Variants in OGA observed in about 807,000 individuals in gnomAD.
OGA encodes the protein O-GlcNAcase.
In OGA, 21 loss-of-function variants were observed where a neutral mutation model predicts 102.0. That is an observed-to-expected ratio of 0.21 (90% CI 0.15 to 0.30). The LOEUF (loss-of-function observed/expected upper bound fraction) is 0.30. Ranked by LOEUF, OGA falls within the 10% of genes least tolerant of loss-of-function variation. The probability of loss-of-function intolerance (pLI) is 1.00; values close to 1 mark genes in which losing one functional copy is unlikely to be tolerated. For synonymous variants in OGA, 408 were observed against 378.2 expected, an observed-to-expected ratio of 1.08 and a Z score of -0.91; for missense variants, 765 against 1,107.8, an observed-to-expected ratio of 0.69 and a Z score of 4.39.
rs777754099 is a variant in OGA at position 101,790,974 on chromosome 10, T to C, written c.2376A>G (p.Lys792=). The part of the protein sequence containing the change: ...GTVDVTPFIK[K]CKISWIPFMQ... The stretch of plus-strand genomic sequence containing the variant: ...TGAAGGGGATCCAGGAAATTTTACA[T>C]TTTTTAATAAAGGGGGTCACATCTA... The change falls in exon 14 of 16, where the codon AAA becomes AAG. Residue 792 remains lysine, a synonymous_variant. Coordinates refer to ENST00000361464, the MANE Select transcript of OGA (RefSeq NM_012215.5). The C allele has an allele frequency of 1.9e-6, 3 of 1,613,866 alleles. No homozygotes were observed. The highest frequency in any genetic ancestry group is 2.5e-6 in the Non-Finnish European group (3 of 1,179,854).
At chr10:101,810,966 C>A (rs1012720854) in intron 3 of OGA, among the ~76,000 whole-genome samples, 3 of 151,706 alleles carry the variant, frequency 2.0e-5, no homozygotes, top group Admixed American at 6.6e-5. Flanking sequence ...GTTGGGATTG[C>A]AGGCATGAGC....
chr10:101,802,833 C>T (rs147117171), intron 7 of OGA, among the ~76,000 whole-genome samples: 2 of 151,480 alleles, frequency 1.3e-5, no homozygotes, highest in African/African-American at 4.8e-5. Flanking sequence ...AAGCCAATGT[C>T]TAAAATAAGA....
chr10:101,791,570 T>A (rs1345915495), intron 12 of OGA, 131 bp from the exon 13 acceptor site: 1 of 644,530 alleles, frequency 1.6e-6, no homozygotes, highest in Non-Finnish European at 2.7e-6. Flanking sequence ...AAATATCACC[T>A]CTTCTTTGTA....
At chr10:101,787,604 A>G (rs2065206038) in intron 14 of OGA, 81 bp from the exon 15 acceptor site, 1 of 1,180,608 alleles carries the variant, frequency 8.5e-7, no homozygotes, top group Non-Finnish European at 1.2e-6. Context: ...AGCAACAAGA[A>G]AGCAATATTT....
chr10:101,802,330 C>T (rs2065403621), intron 7 of OGA, among the ~76,000 whole-genome samples: 1 of 152,198 alleles, frequency 6.6e-6, no homozygotes, highest in Middle Eastern at 3.2e-3. Flanking sequence ...ACACTTATCA[C>T]ACTATAGTAC....
chr10:101,787,642 T>TGA (rs2065206398), intron 14 of OGA, 119 bp from the exon 15 acceptor site: 5 of 791,852 alleles, frequency 6.3e-6, no homozygotes, highest in Non-Finnish European at 1.0e-5. Flanking sequence ...CTATGTAAAT[T>TGA]ATCTCACACA....
chr10:101,801,442 C>T (rs551807165), intron 7 of OGA, among the ~76,000 whole-genome samples: 1 of 150,836 alleles, frequency 6.6e-6, no homozygotes, highest in South Asian at 2.1e-4. Context: ...CAAATTAGCA[C>T]ACATAAGGCA....
chr10:101,797,028 C>CTTTTTTTTT (rs10716391), intron 10 of OGA: 1 of 142,078 alleles, frequency 7.0e-6, no homozygotes, highest in Non-Finnish European at 1.5e-5. Flanking sequence ...CACAGGGAAA[C>CTTTTTTTTT]TTTTTTTTTT....
rs879877993 is a variant in OGA, at chr10:101,818,327, G to A, written c.-305C>T. ...CTGGAAGAAGACGGCCAAGGGTCCT[G>A]TCCTCGTTCTCTGCCTCTGCTGCCC... On this transcript the variant is annotated 5_prime_UTR_variant, in exon 1 of 16. Coordinates refer to ENST00000361464, the MANE Select transcript of OGA (RefSeq NM_012215.5). 2.0e-4 allele frequency: 238 copies of A among 1,173,270 alleles called. No homozygotes were observed. The highest frequency in any genetic ancestry group is 2.4e-4 in the Non-Finnish European group (227 of 946,790). The allele number at this position is 1,173,270 out of a possible 1,614,324, so 72.7% of individuals were successfully genotyped here. A position where few individuals can be genotyped will look rare whatever the true frequency, so the allele number is the denominator to read the frequency against.
At chr10:101,804,611 A>G (rs971244431) in intron 6 of OGA, among the ~76,000 whole-genome samples, 15 of 151,752 alleles carry the variant, frequency 9.9e-5, no homozygotes, top group Non-Finnish European at 1.6e-4. Flanking sequence ...TCTTTTTCTG[A>G]GACAGGGTCT....
At chr10:101,807,145 A>T (rs1031014349) in intron 5 of OGA, among the ~76,000 whole-genome samples, 1 of 152,218 alleles carries the variant, frequency 6.6e-6, no homozygotes, top group Non-Finnish European at 1.5e-5. Context: ...ACACACAAAG[A>T]AAGTTAAATA....
chr10:101,790,838 A>T, intron 14 of OGA, 58 bp downstream of exon 14: 1 of 1,255,362 alleles, frequency 8.0e-7, no homozygotes, highest in Non-Finnish European at 1.1e-6. Context: ...AATAAAAAAT[A>T]AAAATAAATA....
At chr10:101,817,731 G>A (rs35960171) in intron 1 of OGA, 93 bp downstream of exon 1, 591,007 of 1,384,590 alleles carry the variant, frequency 0.43, 129,035 homozygotes, top group South Asian at 0.56. Flanking sequence ...GAGGCTTTCC[G>A]GCCTTTTAGA....
At chr10:101,812,957 T>C (rs1449005511) in intron 3 of OGA, 73 bp downstream of exon 3, 1 of 1,154,004 alleles carries the variant, frequency 8.7e-7, no homozygotes, top group South Asian at 1.2e-5. Flanking sequence ...ATAAAATTCT[T>C]GTACAACTAC....
intron 15 of OGA, among the ~76,000 whole-genome samples, chr10:101,787,030 C>A (rs1425914869): frequency 1.3e-5 from 2 of 151,424 alleles, no homozygotes; most frequent in Non-Finnish European, 2.9e-5. Context: ...AGCCACCGTG[C>A]CCGGCCTTTT....
rs755782671 is a variant in OGA, at chr10:101,799,006, T to C, written c.1645A>G (p.Thr549Ala). 90 of 1,614,082 alleles carry C rather than the reference T, an allele frequency of 5.6e-5. No homozygotes were observed. Among genetic ancestry groups the C allele is most frequent in the Non-Finnish European group, 7.0e-5 (83 of 1,180,036 alleles). ...TCCTCCAGGGTCACTGGTTCCGCAG[T>C]GTACAAAGGCTTTTCATTTGGACCT... Reference protein sequence around the residue: ...VPGPNEKPLYTAEPVTLEDLQ... With the variant: ...VPGPNEKPLYAAEPVTLEDLQ... Residue 549 changes from threonine to alanine, a missense_variant, in exon 9 of 16, where the codon ACT (threonine) becomes GCT (alanine). Physicochemically the swap from Thr to Ala is moderately conservative, Grantham distance 58. Coordinates refer to ENST00000361464, the MANE Select transcript of OGA (RefSeq NM_012215.5).
At chr10:101,796,771 C>T (rs1438198482) in intron 10 of OGA, among the ~76,000 whole-genome samples, 5 of 152,002 alleles carry the variant, frequency 3.3e-5, no homozygotes, top group Non-Finnish European at 7.4e-5. Context: ...TAGGGTTTCA[C>T]CATGCTGGTC....
Position 101,784,605 on chromosome 10 carries a change from A to ACC in OGA, c.*1845_*1846insGG, listed in dbSNP as rs2065174263. ...AGCACTTCATGATCCTAGAGTGATG[A>ACC]AAGCAAGACCAGGGCATCTGTTTCA... is the stretch of plus-strand genomic sequence containing the variant. On this transcript the variant is annotated 3_prime_UTR_variant, in exon 16 of 16. Transcript: ENST00000361464. The ACC allele has an allele frequency of 6.6e-6, 1 of 152,556 alleles. No individual in the cohort carries two copies. The allele number at this position is 152,556 out of a possible 1,614,324, so 9.5% of individuals were successfully genotyped here.
chr10:101,794,227 T>C (rs1327653692), intron 10 of OGA: 3 of 276,602 alleles, frequency 1.1e-5, no homozygotes, highest in Non-Finnish European at 2.0e-5. Context: ...GTTCTACTCT[T>C]TAATTACTGG....
Sources: gnomAD v4.1 joint callset for allele counts (sites outside exome capture counted in the v4.1 genomes callset) on GRCh38, gnomAD v4.1.1 for gene constraint, MANE v1.5 for transcripts, NCBI Gene and HGNC (gene_info 2026-07-23, HGNC 2026-07-21) for gene names.